SRRM3: variants seen among roughly 807,000 people sequenced by gnomAD.
SRRM3 encodes the protein serine/arginine repetitive matrix protein 3.
In SRRM3, 27 loss-of-function variants were observed where a neutral mutation model predicts 66.2. The ratio of observed to expected loss-of-function variants is 0.41; its 90% CI spans 0.30 to 0.56. The LOEUF (loss-of-function observed/expected upper bound fraction) is 0.56. SRRM3 is among the 20% of genes least tolerant of loss of function. The probability of loss-of-function intolerance (pLI) is 0.32; values close to 1 mark genes in which losing one functional copy is unlikely to be tolerated. For synonymous variants in SRRM3, 391 were observed against 414.9 expected (o/e 0.94, Z 0.70); for missense variants, 918 against 991.9 (o/e 0.93, Z 1.00).
chr7:76,255,653 A>G (rs1554607603), intron 3 of SRRM3, among the ~76,000 whole-genome samples: 1 of 151,402 alleles, frequency 6.6e-6, no homozygotes, highest in East Asian at 1.9e-4. Context: ...CTATGTTGAG[A>G]CCTATGCTGG....
intron 12 of SRRM3, among the ~76,000 whole-genome samples, chr7:76,282,257 G>A (rs2117118996): frequency 1.2e-5 from 1 of 85,370 alleles, no homozygotes; most frequent in East Asian, 3.1e-4. Context: ...CTCCACTGAT[G>A]CCAACCCCCC....
intron 11 of SRRM3, among the ~76,000 whole-genome samples, chr7:76,272,712 C>A: frequency 6.6e-6 from 1 of 152,116 alleles, no homozygotes; most frequent in Admixed American, 6.5e-5. Context: ...GAAGGTGACA[C>A]CCTTAGGTGA....
chr7:76,245,976 A>T (rs1019629445), intron 2 of SRRM3, among the ~76,000 whole-genome samples: 1 of 151,830 alleles, frequency 6.6e-6, no homozygotes, highest in South Asian at 2.1e-4. Flanking sequence ...GGGATTACAG[A>T]TGTGAGCCAC....
chr7:76,207,549 T>C (rs1387825258), intron 1 of SRRM3, among the ~76,000 whole-genome samples: 3 of 152,158 alleles, frequency 2.0e-5, no homozygotes, highest in African/African-American at 7.2e-5. Context: ...TACTCTATCA[T>C]GAGCATTCTC....
chr7:76,214,521 G>A (rs1411786764), intron 1 of SRRM3, among the ~76,000 whole-genome samples: 4 of 152,140 alleles, frequency 2.6e-5, no homozygotes, highest in East Asian at 1.9e-4. Context: ...GACTGGTGCC[G>A]GGCAGGGGAG....
At position 76,267,425 on chromosome 7, in the gene SRRM3, G is replaced by A. The variant is rs1554609936; in HGVS notation, c.998G>A (p.Ser333Asn). Residue 333 changes from serine to asparagine, a missense_variant, in exon 11 of 15, where the codon AGC becomes AAC. By Grantham distance (46) the Ser-to-Asn change is conservative. Transcript: ENST00000611745. Reference sequence around the variant, plus strand: ...GGGGGCCGCCCCGGCTCGGCGCACAGCCCGCCCGATGTACGTACGCTTCGC... The same window carrying A: ...GGGGGCCGCCCCGGCTCGGCGCACAACCCGCCCGATGTACGTACGCTTCGC... ...AHGGRPGSAH[S>N]PPDKPSSPSP... 7.3e-6 allele frequency: 10 copies of A among 1,365,878 alleles called. No homozygotes were observed. Among genetic ancestry groups the A allele is most frequent in the Non-Finnish European group, 9.4e-6 (10 of 1,064,694 alleles). 84.6% of individuals were successfully genotyped at this position (1,365,878 alleles called of 1,614,324 possible).
intron 5 of SRRM3, 42 bp downstream of exon 5, chr7:76,260,239 TG>T: frequency 2.1e-6 from 3 of 1,458,066 alleles, no homozygotes; most frequent in Non-Finnish European, 1.8e-6. Flanking sequence ...GAGGAGGAGG[TG>T]GGGTCTCTCC....
At chr7:76,250,104 C>T (rs1473306069) in intron 3 of SRRM3, among the ~76,000 whole-genome samples, 5 of 151,768 alleles carry the variant, frequency 3.3e-5, no homozygotes, top group African/African-American at 1.2e-4. Context: ...AGTGCAGTGG[C>T]GTGCTCTCGG....
rs1554609388 is a variant in SRRM3 at position 76,265,403 on chromosome 7, T to C, written c.765T>C (p.His255=). The C allele has an allele frequency of 6.2e-7, 1 of 1,605,660 alleles. No homozygotes were observed. ...CCCCAGGCCGGAGGTCTCATCGCCA[T>C]AGCAGTGGCAGCTCCCACAGCCCCT... is the stretch of plus-strand genomic sequence containing the variant. The part of the protein sequence containing the change: ...TESPGRRSHR[H]SSGSSHSPSL... The change falls in exon 10 of 15, where the codon CAT becomes CAC. Residue 255 remains histidine, a synonymous_variant. Transcript: ENST00000611745.
chr7:76,283,665 G>C lies in SRRM3; in HGVS notation c.1733+564G>C, dbSNP rs973293011. On this transcript the variant is annotated intron_variant, in intron 14 of 14. Coordinates refer to ENST00000611745, the MANE Select transcript of SRRM3 (RefSeq NM_001110199.3). ...TGCCTCTCTCTTTCTCACTAACCTG[G>C]GGGATTTGGAGGAGGGGGCACAGCA... 3 of 630,758 alleles carry C rather than the reference G, an allele frequency of 4.8e-6. No homozygotes were observed. In the African/African-American group the frequency reaches 5.7e-5, roughly 12 times the overall value. 39.1% of individuals were successfully genotyped at this position (630,758 alleles called of 1,614,324 possible). A position where few individuals can be genotyped will look rare whatever the true frequency, so the allele number is the denominator to read the frequency against.
chr7:76,204,017 G>T (rs1800229031), intron 1 of SRRM3, among the ~76,000 whole-genome samples: 2 of 152,016 alleles, frequency 1.3e-5, no homozygotes, highest in Admixed American at 6.6e-5. Flanking sequence ...CCAAAGGGGG[G>T]GTCTGGGTCT....
chr7:76,269,529 G>A (rs1194675526), intron 11 of SRRM3: 1 of 149,588 alleles, frequency 6.7e-6, no homozygotes, highest in Non-Finnish European at 1.5e-5. Context: ...ATTCTTGGAC[G>A]ATACCTTTAA....
At position 76,283,059 on chromosome 7, in the gene SRRM3, G is replaced by T; in HGVS notation, c.1691G>T (p.Arg564Leu). ...AGCTACTCGCCCATCCGCAAGCGGC[G>T]CCGGGACTCGCCAAGCTTCATGGAG... ...SRSYSPIRKR[R>L]RDSPSFMEPR... The change falls in exon 14 of 15, where the codon CGC becomes CTC. Residue 564 changes from arginine (R) to leucine (L), a missense_variant. Transcript: ENST00000611745. The T allele has an allele frequency of 6.7e-7, 1 of 1,482,800 alleles. No individual in the cohort carries two copies. The highest frequency in any genetic ancestry group is 8.9e-7 in the Non-Finnish European group (1 of 1,127,892). The allele number at this position is 1,482,800 out of a possible 1,614,324, so 91.9% of individuals were successfully genotyped here.
chr7:76,204,750 C>G (rs1240096772), intron 1 of SRRM3, among the ~76,000 whole-genome samples: 1 of 152,126 alleles, frequency 6.6e-6, no homozygotes, highest in Non-Finnish European at 1.5e-5. Flanking sequence ...CTTCCCACCT[C>G]TTGGCCTCAG....
chr7:76,228,413 C>T (rs945557630), intron 1 of SRRM3, among the ~76,000 whole-genome samples: 1 of 152,040 alleles, frequency 6.6e-6, no homozygotes, highest in Non-Finnish European at 1.5e-5. Flanking sequence ...AAATCAGAAA[C>T]TCTGGGGGCG....
intron 10 of SRRM3, among the ~76,000 whole-genome samples, chr7:76,265,723 GTAA>G (rs1480660742): frequency 7.1e-6 from 1 of 141,102 alleles, no homozygotes; most frequent in East Asian, 2.0e-4. Context: ...TTAATTAAAA[GTAA>G]TAATAATAAT....
At position 76,245,799 on chromosome 7, in the gene SRRM3, G is replaced by A. The variant is rs538617236; in HGVS notation, c.234-2389G>A. 2.1e-4 allele frequency among the ~76,000 whole-genome samples: 32 copies of A among 152,270 alleles called. 1 individual carries two copies. The East Asian group carries it at 5.4e-3, about 26-fold the overall frequency. On this transcript the variant is annotated intron_variant, in intron 2 of 14. Transcript: ENST00000611745. ...CAATCTCCACCTCCCGGGTTCAAGC[G>A]ATTCTCCTGCCTCGGCCTCGTGGGT...
chr7:76,281,555 C>A lies in SRRM3; in HGVS notation c.1123C>A (p.Arg375Ser). The change falls in exon 12 of 15, where the codon CGC becomes AGC. Residue 375 changes from arginine (R) to serine (S), a missense_variant. Arg to Ser is a moderately radical substitution (Grantham distance 110, BLOSUM62 -1). Transcript: ENST00000611745. ...GCGCTCGGCGCCGTCGTCCCAAGGT[C>A]GCGGAGGCCGCGCGGCGGGCGGGGC... ...SPRSAPSSQG[R>S]GGRAAGGAGR... 9.4e-7 allele frequency: 1 copy of A among 1,063,152 alleles called. No individual in the cohort carries two copies. The highest frequency in any genetic ancestry group is 5.6e-5 in the Admixed American group (1 of 17,880). 65.9% of individuals were successfully genotyped at this position (1,063,152 alleles called of 1,614,324 possible).
Position 76,260,917 on chromosome 7 carries a change from G to A in SRRM3, c.575+14G>A. On this transcript the variant is annotated intron_variant, in intron 6 of 14. Transcript: ENST00000611745. ...GTCCGAATGCAGGTCAGTGGGGACA[G>A]AGCTGGCTGGGGCCAGGGCGGGGGA... 1 of 1,558,464 alleles carries A rather than the reference G, an allele frequency of 6.4e-7. No homozygotes were observed. Among genetic ancestry groups the A allele is most frequent in the Non-Finnish European group, 8.7e-7 (1 of 1,150,568 alleles).
Sources: gnomAD v4.1 joint callset for allele counts (sites outside exome capture counted in the v4.1 genomes callset) on GRCh38, gnomAD v4.1.1 for gene constraint, MANE v1.5 for transcripts, NCBI Gene and HGNC (gene_info 2026-07-23, HGNC 2026-07-21) for gene names.